Variants in GRM5 observed in about 807,000 individuals in gnomAD.
GRM5 encodes metabotropic glutamate receptor 5.
In GRM5, 19 loss-of-function variants were observed where a neutral mutation model predicts 83.1. The ratio of observed to expected loss-of-function variants is 0.23; its 90% CI spans 0.16 to 0.34. GRM5 has a LOEUF of 0.34. Among genes scored for constraint, GRM5 ranks in the 10% least tolerant of loss-of-function variants. GRM5 has a pLI of 1.00. For missense variants in GRM5, 1,160 were observed against 1,588.3 expected (o/e 0.73, Z 4.58); for synonymous variants, 675 against 633.6 (o/e 1.07, Z -0.98).
chr11:88,692,491 C>T (rs894502903), intron 3 of GRM5, among the ~76,000 whole-genome samples: 1 of 152,146 alleles, frequency 6.6e-6, no homozygotes, highest in African/African-American at 2.4e-5. Context: ...GCCCTTATGA[C>T]ATCCGAAAGT....
chr11:88,612,196 C>T (rs1321642678), intron 4 of GRM5, among the ~76,000 whole-genome samples: 2 of 147,250 alleles, frequency 1.4e-5, no homozygotes, highest in African/African-American at 5.1e-5. Context: ...CAATTCCCAC[C>T]TATGAGTGAG....
At chr11:88,794,815 T>C (rs1943245032) in intron 3 of GRM5, among the ~76,000 whole-genome samples, 1 of 152,186 alleles carries the variant, frequency 6.6e-6, no homozygotes, top group Non-Finnish European at 1.5e-5. Context: ...GGCCAAATAG[T>C]ACATTTCATA....
chr11:88,748,498 G>A (rs1942190882), intron 3 of GRM5, among the ~76,000 whole-genome samples: 1 of 152,126 alleles, frequency 6.6e-6, no homozygotes, highest in South Asian at 2.1e-4. Flanking sequence ...GTTCAGTTGA[G>A]TCAGCTGCTC....
chr11:88,631,384 A>G (rs530565015), intron 4 of GRM5, among the ~76,000 whole-genome samples: 10 of 152,266 alleles, frequency 6.6e-5, no homozygotes, highest in African/African-American at 2.4e-4. Flanking sequence ...TGGGATATAT[A>G]TTTACTAATA....
At chr11:88,933,532 A>G (rs916998827) in intron 2 of GRM5, among the ~76,000 whole-genome samples, 1 of 151,884 alleles carries the variant, frequency 6.6e-6, no homozygotes, top group African/African-American at 2.4e-5. Flanking sequence ...TTCAATTTTT[A>G]AAAGTTTAAA....
intron 5 of GRM5, among the ~76,000 whole-genome samples, chr11:88,598,855 A>T (rs1937894709): frequency 6.6e-6 from 1 of 152,198 alleles, no homozygotes; most frequent in Admixed American, 6.5e-5. Flanking sequence ...CTCAAAAATG[A>T]GCTGTCAACT....
chr11:88,826,702 G>A (rs1042520730), intron 3 of GRM5, among the ~76,000 whole-genome samples: 38 of 152,124 alleles, frequency 2.5e-4, no homozygotes, highest in Non-Finnish European at 1.9e-4. Context: ...ATAAATATAA[G>A]GAATTAGTAC....
At chr11:88,930,308 G>T (rs2135645490) in intron 2 of GRM5, among the ~76,000 whole-genome samples, 1 of 152,162 alleles carries the variant, frequency 6.6e-6, no homozygotes, top group South Asian at 2.1e-4. Context: ...CAGCTACTCA[G>T]GAGGCTGAGG....
chr11:88,814,299 T>C (rs1011022593), intron 3 of GRM5, among the ~76,000 whole-genome samples: 3 of 152,262 alleles, frequency 2.0e-5, no homozygotes, highest in Non-Finnish European at 2.9e-5. Context: ...GCTTCTAACA[T>C]CTACAAGATA....
intron 3 of GRM5, among the ~76,000 whole-genome samples, chr11:88,834,846 CT>C (rs924767465): frequency 6.6e-6 from 1 of 152,164 alleles, no homozygotes; most frequent in African/African-American, 2.4e-5. Flanking sequence ...CACCAGGAGA[CT>C]TTTAGCTGGC....
At chr11:88,763,511 C>T (rs371442080) in intron 3 of GRM5, among the ~76,000 whole-genome samples, 45 of 151,652 alleles carry the variant, frequency 3.0e-4, no homozygotes, top group African/African-American at 9.6e-4. Context: ...TTATTTTCCT[C>T]ATAATTTATA....
intron 2 of GRM5, among the ~76,000 whole-genome samples, chr11:89,037,383 C>A (rs894533910): frequency 6.6e-6 from 1 of 151,864 alleles, no homozygotes; most frequent in Admixed American, 6.6e-5. Context: ...TATCCTGATG[C>A]GTATACCATT....
Position 88,590,592 on chromosome 11 carries a change from A to C in GRM5, c.1690+9T>G. Reference sequence around the variant, plus strand: ...TTAATTTATATGTGGTGAGATTGTGATAGATTACCTGTGAGATCATCAGTG... The same window carrying C: ...TTAATTTATATGTGGTGAGATTGTGCTAGATTACCTGTGAGATCATCAGTG... On this transcript the variant is annotated intron_variant, in intron 7 of 9. Transcript: ENST00000305447. 1.2e-6 allele frequency: 2 copies of C among 1,610,708 alleles called. No individual in the cohort carries two copies. Among genetic ancestry groups the C allele is most frequent in the Non-Finnish European group, 1.7e-6 (2 of 1,177,192 alleles).
At chr11:88,512,674 C>A (rs1941410215) in intron 9 of GRM5, among the ~76,000 whole-genome samples, 1 of 152,104 alleles carries the variant, frequency 6.6e-6, no homozygotes, top group African/African-American at 2.4e-5. Context: ...AAAGAATAAT[C>A]TTTTTAAGCC....
chr11:88,927,910 A>C (rs948368541), intron 2 of GRM5, among the ~76,000 whole-genome samples: 1 of 152,134 alleles, frequency 6.6e-6, no homozygotes, highest in Non-Finnish European at 1.5e-5. Context: ...ATTAAGGGAA[A>C]GGTACACTTT....
intron 2 of GRM5, among the ~76,000 whole-genome samples, chr11:88,941,267 G>C (rs1938078856): frequency 6.6e-6 from 1 of 151,284 alleles, no homozygotes; most frequent in South Asian, 2.1e-4. Context: ...TCAGTTTAAA[G>C]GCGACCCCAT....
intron 2 of GRM5, among the ~76,000 whole-genome samples, chr11:88,960,473 T>C (rs1012568118): frequency 1.3e-5 from 2 of 152,194 alleles, no homozygotes; most frequent in African/African-American, 2.4e-5. Context: ...AGACAAATAT[T>C]TCCTAGGAAG....
At chr11:88,843,001 C>T (rs907142065) in intron 3 of GRM5, among the ~76,000 whole-genome samples, 12 of 152,082 alleles carry the variant, frequency 7.9e-5, no homozygotes, top group African/African-American at 2.7e-4. Context: ...AACTTTTATC[C>T]CACATTACAA....
intron 2 of GRM5, among the ~76,000 whole-genome samples, chr11:88,911,615 T>C (rs1297140689): frequency 6.6e-6 from 1 of 152,150 alleles, no homozygotes; most frequent in Non-Finnish European, 1.5e-5. Flanking sequence ...GTTTTTATCC[T>C]GGCTCTACTT....
Sources: gnomAD v4.1 joint callset for allele counts (sites outside exome capture counted in the v4.1 genomes callset) on GRCh38, gnomAD v4.1.1 for gene constraint, MANE v1.5 for transcripts, NCBI Gene and HGNC (gene_info 2026-07-23, HGNC 2026-07-21) for gene names.